IMPG1: variants seen among roughly 807,000 people sequenced by gnomAD.
The protein encoded by IMPG1 is interphotoreceptor matrix proteoglycan 1.
Under a neutral mutation model 92.0 loss-of-function variants are expected in IMPG1, and 85 were observed. The observed-to-expected ratio is 0.92, with a 90% CI of 0.78 to 1.11. The LOEUF (loss-of-function observed/expected upper bound fraction) is 1.11. Among genes scored for constraint, IMPG1 ranks in the 50% least tolerant of loss-of-function variants. The pLI is 0.00. For synonymous variants in IMPG1, 367 were observed against 334.1 expected (o/e 1.10, Z -1.08); for missense variants, 1,022 against 956.0 (o/e 1.07, Z -0.91).
intron 8 of IMPG1, among the ~76,000 whole-genome samples, chr6:76,010,155 G>A (rs1017518940): frequency 6.6e-6 from 1 of 152,192 alleles, no homozygotes; most frequent in Non-Finnish European, 1.5e-5. Flanking sequence ...AATAAACCAT[G>A]AGAGCTCCCT....
At chr6:75,990,780 A>G (rs932704444) in intron 12 of IMPG1, among the ~76,000 whole-genome samples, 3 of 152,122 alleles carry the variant, frequency 2.0e-5, no homozygotes, top group Admixed American at 1.3e-4. Flanking sequence ...CTTGCAATCT[A>G]CTGACACCTT....
intron 14 of IMPG1, among the ~76,000 whole-genome samples, chr6:75,943,361 C>T: frequency 6.6e-6 from 1 of 152,114 alleles, no homozygotes; most frequent in East Asian, 1.9e-4. Flanking sequence ...GATTAATGTC[C>T]TCCCTGGGAG....
At chr6:75,922,567 C>A (rs1414298898) in intron 16 of IMPG1, among the ~76,000 whole-genome samples, 1 of 152,180 alleles carries the variant, frequency 6.6e-6, no homozygotes, top group African/African-American at 2.4e-5. Context: ...CTTGTTCTGG[C>A]CTTGAACTAA....
chr6:76,054,401 G>A (rs1360661000), intron 1 of IMPG1, among the ~76,000 whole-genome samples: 1 of 151,968 alleles, frequency 6.6e-6, no homozygotes, highest in African/African-American at 2.4e-5. Context: ...ATGTCCCATG[G>A]AATATTTGGG....
Position 75,972,829 on chromosome 6 carries a change from T to C in IMPG1, c.1292-21735A>G, listed in dbSNP as rs116482330. ...AGTAATTTAAGTCAATTGCTAGAGT[T>C]GCATTTATGGCTATCTTATTGGTAT... On this transcript the variant is annotated intron_variant, in intron 12 of 16. Transcript: ENST00000369950. Among the ~76,000 whole-genome samples, 390 of 152,350 alleles carry C rather than the reference T, an allele frequency of 2.6e-3. 1 individual carries two copies. Among genetic ancestry groups the C allele is most frequent in the African/African-American group, 8.9e-3 (372 of 41,594 alleles).
chr6:76,041,952 C>T lies in IMPG1; in HGVS notation c.242G>A (p.Cys81Tyr). 6.2e-7 allele frequency: 1 copy of T among 1,614,030 alleles called. No individual in the cohort carries two copies. Among genetic ancestry groups the T allele is most frequent in the Non-Finnish European group, 8.5e-7 (1 of 1,179,910 alleles). The change falls in exon 2 of 17, where the codon TGT (cysteine) becomes TAT (tyrosine). Residue 81 changes from cysteine (C) to tyrosine (Y), a missense_variant. Around this residue, in one of 3 missense-constraint regions of IMPG1, gnomAD observed 681 missense variants for 583.6 expected, o/e 1.17. Transcript: ENST00000369950. Reference sequence around the variant, plus strand: ...AATCTGTTTCATGGATTCCTGTGGACAGACTTTAACCCCCGTTGGGAAAAA... The same window carrying T: ...AATCTGTTTCATGGATTCCTGTGGATAGACTTTAACCCCCGTTGGGAAAAA... ...SAFFPTGVKV[C>Y]PQESMKQILD...
intron 1 of IMPG1, among the ~76,000 whole-genome samples, chr6:76,042,784 CTCT>C (rs1783868399): frequency 6.6e-6 from 1 of 152,160 alleles, no homozygotes; most frequent in African/African-American, 2.4e-5. Context: ...GAATGTAACT[CTCT>C]TCTAAGCCAT....
At chr6:76,052,340 A>C (rs543528746) in intron 1 of IMPG1, among the ~76,000 whole-genome samples, 1 of 152,336 alleles carries the variant, frequency 6.6e-6, no homozygotes, top group African/African-American at 2.4e-5. Flanking sequence ...GTTCTTTCTC[A>C]AAGCTGACTA....
chr6:76,020,004 T>G (rs147816174), intron 6 of IMPG1, among the ~76,000 whole-genome samples: 2 of 152,194 alleles, frequency 1.3e-5, no homozygotes, highest in African/African-American at 4.8e-5. Context: ...TACTTTTCAC[T>G]GTTGAGGGAA....
chr6:76,038,062 A>T (rs923905108), intron 2 of IMPG1, among the ~76,000 whole-genome samples: 3 of 152,200 alleles, frequency 2.0e-5, no homozygotes, highest in Non-Finnish European at 4.4e-5. Context: ...ATGTATACAG[A>T]AGTTCATTTT....
At chr6:76,032,519 G>A (rs1783668971) in intron 4 of IMPG1, among the ~76,000 whole-genome samples, 1 of 152,152 alleles carries the variant, frequency 6.6e-6, no homozygotes, top group South Asian at 2.1e-4. Context: ...ATTTTGCTCA[G>A]TTCTGTATAG....
At chr6:75,961,098 G>A (rs1003645263) in intron 12 of IMPG1, among the ~76,000 whole-genome samples, 1 of 152,212 alleles carries the variant, frequency 6.6e-6, no homozygotes. Flanking sequence ...AGCCCCATTA[G>A]TAGCCAGAAG....
intron 15 of IMPG1, among the ~76,000 whole-genome samples, chr6:75,929,124 G>T (rs934718630): frequency 6.6e-6 from 1 of 152,122 alleles, no homozygotes; most frequent in Non-Finnish European, 1.5e-5. Context: ...AGAAATAATT[G>T]TCTAAAAGTA....
intron 1 of IMPG1, 123 bp from the exon 2 acceptor site, chr6:76,042,249 T>C: frequency 1.6e-6 from 1 of 638,212 alleles, no homozygotes; most frequent in East Asian, 2.7e-5. Flanking sequence ...ATTTCTACCG[T>C]GGTGCAACTG....
At chr6:76,030,251 C>T (rs549385571) in intron 4 of IMPG1, among the ~76,000 whole-genome samples, 4 of 152,158 alleles carry the variant, frequency 2.6e-5, no homozygotes, top group East Asian at 3.9e-4. Context: ...CTTTGGCACT[C>T]ATGGTGGGAC....
intron 12 of IMPG1, among the ~76,000 whole-genome samples, chr6:75,972,006 A>G (rs1782427810): frequency 6.6e-6 from 1 of 152,186 alleles, no homozygotes; most frequent in African/African-American, 2.4e-5. Flanking sequence ...GCACGTATTC[A>G]TCTTATAATT....
intron 4 of IMPG1, among the ~76,000 whole-genome samples, chr6:76,028,626 G>A (rs558171669): frequency 6.6e-6 from 1 of 152,276 alleles, no homozygotes; most frequent in African/African-American, 2.4e-5. Context: ...TCAGGAGATT[G>A]AGATCATCCT....
At chr6:75,969,782 T>C (rs1324273159) in intron 12 of IMPG1, among the ~76,000 whole-genome samples, 3 of 152,048 alleles carry the variant, frequency 2.0e-5, no homozygotes, top group Non-Finnish European at 4.4e-5. Flanking sequence ...AGCTTCTTGG[T>C]TACTTGGAAA....
intron 12 of IMPG1, among the ~76,000 whole-genome samples, chr6:75,980,766 A>C (rs1782613876): frequency 6.6e-6 from 1 of 152,132 alleles, no homozygotes; most frequent in South Asian, 2.1e-4. Context: ...CTTGCTCCTC[A>C]ACTTGCAGAT....
Sources: allele counts gnomAD v4.1 joint callset (sites outside exome capture counted in the v4.1 genomes callset), GRCh38; gene constraint gnomAD v4.1.1; regional missense constraint gnomAD v4.1.1; transcripts MANE v1.5; gene names NCBI Gene and HGNC (gene_info 2026-07-23, HGNC 2026-07-21).